MEP1A: variants seen among roughly 807,000 people sequenced by gnomAD.
MEP1A encodes N-benzoyl-L-tyrosyl-P-amino-benzoic acid hydrolase subunit alpha.
MEP1A carries 68 observed loss-of-function variants against 84.5 expected under a neutral mutation model. The ratio of observed to expected loss-of-function variants is 0.80; its 90% CI spans 0.66 to 0.98. The LOEUF (loss-of-function observed/expected upper bound fraction) is 0.98, where lower values mean the gene tolerates loss of function less well. Among genes scored for constraint, MEP1A ranks in the 50% least tolerant of loss-of-function variants. MEP1A has a pLI of 0.00. For synonymous variants in MEP1A, 337 were observed against 336.8 expected (o/e 1.00, Z -0.01); for missense variants, 887 against 919.9 (o/e 0.96, Z 0.46).
At chr6:46,833,593 A>T (rs1768131172) in intron 11 of MEP1A, 55 bp downstream of exon 11, 1 of 1,299,162 alleles carries the variant, frequency 7.7e-7, no homozygotes, top group African/African-American at 1.5e-5. Context: ...AGGCCCACAG[A>T]TGTGATTCTG....
chr6:46,799,192 T>C lies in MEP1A; in HGVS notation c.262+11T>C, dbSNP rs1767137855. 5.1e-6 allele frequency: 8 copies of C among 1,566,824 alleles called. No individual in the cohort carries two copies. The highest frequency in any genetic ancestry group is 5.3e-6 in the Non-Finnish European group (6 of 1,136,896). ...TGGCTGATAATTTGGGTAATATTAA[T>C]TGTTCTTAATTAGGAAGTTTCAGTT... On this transcript the variant is annotated intron_variant, in intron 5 of 13. Transcript: ENST00000230588.
rs1468835763 is a variant in MEP1A at position 46,833,506 on chromosome 6, T to G, written c.1577T>G (p.Val526Gly). The change falls in exon 11 of 14, where the codon GTG becomes GGG. Residue 526 changes from valine (V) to glycine (G), a missense_variant. By Grantham distance (109) the Val-to-Gly change is moderately radical. Transcript: ENST00000230588. Reference sequence around the variant, plus strand: ...CGGAACAGGATGTCCTCAAGCATGGTGTTCACTACCTCGAAGTCGCACACA... The same window carrying G: ...CGGAACAGGATGTCCTCAAGCATGGGGTTCACTACCTCGAAGTCGCACACA... ...DVRNRMSSSM[V>G]FTTSKSHTSP... 1 of 1,614,116 alleles carries G rather than the reference T, an allele frequency of 6.2e-7. No homozygotes were observed. Among genetic ancestry groups the G allele is most frequent in the Admixed American group, 1.7e-5 (1 of 60,024 alleles).
intron 5 of MEP1A, among the ~76,000 whole-genome samples, chr6:46,807,592 G>A (rs1175765824): frequency 3.1e-4 from 30 of 97,324 alleles, no homozygotes; most frequent in African/African-American, 1.5e-3. Flanking sequence ...AAGGAAGGAA[G>A]GAAGGAAGGA....
At chr6:46,820,036 C>A (rs1181047629) in intron 7 of MEP1A, among the ~76,000 whole-genome samples, 2 of 152,170 alleles carry the variant, frequency 1.3e-5, no homozygotes, top group Non-Finnish European at 2.9e-5. Flanking sequence ...ATTTTAAAGT[C>A]ATTTCTCTGG....
intron 3 of MEP1A, among the ~76,000 whole-genome samples, chr6:46,797,780 CTTTCTTTCTTTCTCTTTCTTTCTTTCTT>C (rs1767078720): frequency 1.4e-5 from 2 of 142,608 alleles, no homozygotes; most frequent in African/African-American, 5.6e-5. Flanking sequence ...CTTTTTCTTT[CTTTCTTTCTTTCTCTTTCTTTCTTTCTT>C]TCTTTCTTTC....
chr6:46,845,918 G>A, the MEP1A span, among the ~76,000 whole-genome samples: 1 of 152,032 alleles, frequency 6.6e-6, no homozygotes, highest in East Asian at 1.9e-4. Flanking sequence ...GTGCATAATT[G>A]GCTTATCTGT....
At chr6:46,808,143 C>CTT (rs150828939) in intron 5 of MEP1A, among the ~76,000 whole-genome samples, 1 of 151,514 alleles carries the variant, frequency 6.6e-6, no homozygotes, top group Non-Finnish European at 1.5e-5. Context: ...AGTATAATCA[C>CTT]TTTTTTTTTC....
chr6:46,830,992 C>T (rs1027148837), intron 10 of MEP1A, among the ~76,000 whole-genome samples: 7 of 152,116 alleles, frequency 4.6e-5, no homozygotes, highest in African/African-American at 1.4e-4. Flanking sequence ...AAGCTAAAAG[C>T]GTTACTTCTA....
At chr6:46,811,687 G>T (rs147812238) in intron 6 of MEP1A, among the ~76,000 whole-genome samples, 243 of 152,014 alleles carry the variant, frequency 1.6e-3, no homozygotes, top group African/African-American at 5.3e-3. Context: ...ATACAGGGAT[G>T]GTGGACTTTG....
intron 6 of MEP1A, among the ~76,000 whole-genome samples, chr6:46,812,688 T>A (rs547605238): frequency 1.3e-5 from 2 of 151,618 alleles, no homozygotes; most frequent in South Asian, 2.1e-4. Flanking sequence ...CAGTCCAAAA[T>A]TTTTTTTTAA....
intron 3 of MEP1A, among the ~76,000 whole-genome samples, chr6:46,797,895 C>A (rs1198934916): frequency 2.7e-5 from 1 of 36,974 alleles, no homozygotes; most frequent in Non-Finnish European, 5.7e-5. Flanking sequence ...TCCTTCCTTC[C>A]TTCCTTCCTT....
Position 46,824,846 on chromosome 6 carries a change from T to TATTTAATTAGATGTATTTAA in MEP1A, c.557-424_557-423insTTAATTAGATGTATTTAAAT, listed in dbSNP as rs1767880371. The stretch of plus-strand genomic sequence containing the variant: ...GATGTATTTAAATATATATAAATTA[T>TATTTAATTAGATGTATTTAA]ATATATAAATTATATATTTAAATAG... On this transcript the variant is annotated intron_variant, in intron 7 of 13. Coordinates refer to ENST00000230588, the MANE Select transcript of MEP1A (RefSeq NM_005588.3). 4.6e-5 allele frequency among the ~76,000 whole-genome samples: 4 copies of TATTTAATTAGATGTATTTAA among 87,044 alleles called. No homozygotes were observed. In the Admixed American group the frequency reaches 5.1e-4, roughly 11 times the overall value. 57.1% of individuals were successfully genotyped at this position (87,044 alleles called of 152,430 possible).
chr6:46,835,441 G>T lies in MEP1A; in HGVS notation c.1976G>T (p.Gly659Val). ...CAGAAGCGGTCGGTGGAGAACACAG[G>T]CCCCCTGGAGGACCATAACTGGCCA... is the stretch of plus-strand genomic sequence containing the variant. ...SRQKRSVENT[G>V]PLEDHNWPQY... The change falls in exon 13 of 14, where the codon GGC becomes GTC. Residue 659 changes from glycine to valine, a missense_variant. By Grantham distance (109) the Gly-to-Val change is moderately radical. Coordinates refer to ENST00000230588, the MANE Select transcript of MEP1A (RefSeq NM_005588.3). The T allele has an allele frequency of 6.2e-7, 1 of 1,612,340 alleles. No homozygotes were observed. Among genetic ancestry groups the T allele is most frequent in the Non-Finnish European group, 8.5e-7 (1 of 1,179,274 alleles).
chr6:46,821,103 A>G (rs1043525241), intron 7 of MEP1A, among the ~76,000 whole-genome samples: 1 of 152,198 alleles, frequency 6.6e-6, no homozygotes, highest in Non-Finnish European at 1.5e-5. Context: ...GGACTGTAGT[A>G]GTTCATTTTG....
chr6:46,804,586 A>G (rs1028740967), intron 5 of MEP1A, among the ~76,000 whole-genome samples: 7 of 151,738 alleles, frequency 4.6e-5, no homozygotes, highest in African/African-American at 1.7e-4. Flanking sequence ...CTAAGTATGC[A>G]TGTAATTAAC....
chr6:46,797,111 C>G (rs887635459), intron 3 of MEP1A, among the ~76,000 whole-genome samples: 1 of 152,210 alleles, frequency 6.6e-6, no homozygotes, highest in Non-Finnish European at 1.5e-5. Flanking sequence ...CCTGCTAATA[C>G]CTAACACCTC....
At chr6:46,822,384 T>TG (rs1291577899) in intron 7 of MEP1A, among the ~76,000 whole-genome samples, 1 of 152,114 alleles carries the variant, frequency 6.6e-6, no homozygotes, top group African/African-American at 2.4e-5. Flanking sequence ...TATTCACTGT[T>TG]GGGGGCACTA....
chr6:46,816,559 T>G (rs1581675937), intron 6 of MEP1A, among the ~76,000 whole-genome samples: 13 of 138,196 alleles, frequency 9.4e-5, no homozygotes, highest in East Asian at 2.1e-4. Flanking sequence ...AGGGAAAGGG[T>G]GAGGAGGAGA....
chr6:46,804,190 A>G (rs1025073473), intron 5 of MEP1A, among the ~76,000 whole-genome samples: 10 of 151,650 alleles, frequency 6.6e-5, no homozygotes, highest in African/African-American at 2.4e-4. Context: ...AGCACTTCTT[A>G]TAAAGCAGAT....
Sources: allele counts gnomAD v4.1 joint callset (sites outside exome capture counted in the v4.1 genomes callset), GRCh38; gene constraint gnomAD v4.1.1; transcripts MANE v1.5; gene names NCBI Gene and HGNC (gene_info 2026-07-23, HGNC 2026-07-21).